Variants in TEX11 observed in about 807,000 individuals in gnomAD.
The protein encoded by TEX11 is testis expressed 11, also known as testis-expressed protein 11.
Under a neutral mutation model 84.4 loss-of-function variants are expected in TEX11, and 7 were observed. That is an observed-to-expected ratio of 0.08 (90% confidence interval 0.05 to 0.16). The LOEUF is 0.16. Ranked by LOEUF, TEX11 falls within the 10% of genes least tolerant of loss-of-function variation. The pLI, the probability that TEX11 is intolerant of heterozygous loss-of-function variation, is 1.00. For synonymous variants in TEX11, 264 were observed against 222.8 expected (o/e 1.18, Z -1.64); for missense variants, 551 against 660.5 (o/e 0.83, Z 1.82).
chrX:70,794,204 T>C (rs954065004), intron 9 of TEX11, among the ~76,000 whole-genome samples: 2 of 111,027 alleles, frequency 1.8e-5, no homozygotes, highest in Admixed American at 1.9e-4. Flanking sequence ...GGATAGAGAG[T>C]GCAATGATTG....
chrX:70,710,610 C>A (rs756748745), intron 13 of TEX11, among the ~76,000 whole-genome samples: 1 of 107,419 alleles, frequency 9.3e-6, no homozygotes, highest in African/African-American at 3.4e-5. Context: ...AGCCACAGAC[C>A]AACAGCATTG....
intron 25 of TEX11, among the ~76,000 whole-genome samples, chrX:70,573,785 C>T (rs1350502997): frequency 9.0e-6 from 1 of 111,642 alleles, no homozygotes; most frequent in Non-Finnish European, 1.9e-5. Context: ...TTAGAATGAC[C>T]TTTCCAGTTA....
chrX:70,868,928 G>A (rs963836790), intron 4 of TEX11, among the ~76,000 whole-genome samples: 23 of 108,647 alleles, frequency 2.1e-4, no homozygotes, highest in African/African-American at 1.4e-4. Context: ...TAATGCATGC[G>A]GGGCTTAAAA....
At chrX:70,873,540 A>G (rs982140737) in intron 3 of TEX11, among the ~76,000 whole-genome samples, 1 of 111,606 alleles carries the variant, frequency 9.0e-6, no homozygotes, top group Non-Finnish European at 1.9e-5. Context: ...CATACTATTG[A>G]TATACCTTCA....
chrX:70,762,404 A>G lies in TEX11; in HGVS notation c.693-18185T>C, dbSNP rs749557034. Among the ~76,000 whole-genome samples the G allele has an allele frequency of 5.4e-5, 6 of 111,790 alleles. No individual in the cohort carries two copies. In the South Asian group the frequency reaches 1.9e-3, roughly 35 times the overall value. ...AGATATAAACAGGAAAAAAACGTTT[A>G]AAAGCAGGGGGTCGAAGCTCCTAAA... is the stretch of plus-strand genomic sequence containing the variant. On this transcript the variant is annotated intron_variant, in intron 9 of 29. Coordinates refer to ENST00000374333, the MANE Select transcript of TEX11 (RefSeq NM_031276.3).
At chrX:70,765,127 T>C (rs1020201942) in intron 9 of TEX11, among the ~76,000 whole-genome samples, 1 of 111,780 alleles carries the variant, frequency 8.9e-6, no homozygotes, top group Admixed American at 9.5e-5. Context: ...GGCTCACACC[T>C]GTAATCCCAG....
chrX:70,869,960 A>G (rs2091621360), intron 4 of TEX11, among the ~76,000 whole-genome samples: 1 of 111,536 alleles, frequency 9.0e-6, no homozygotes, highest in East Asian at 2.8e-4. Context: ...CCATATAAAG[A>G]TGTTTTCTTT....
In TEX11 at chrX:70,557,059, A is replaced by C. The variant is rs747855137; in HGVS notation, c.2141-2259T>G. 3.6e-5 allele frequency among the ~76,000 whole-genome samples: 4 copies of C among 109,918 alleles called. No individual in the cohort carries two copies. In the South Asian group the frequency reaches 1.2e-3, roughly 33 times the overall value. ...GTGATACTCCAGTCTTGGCCTCCCA[A>C]AGTGAGCCACCATACCTGGCCAATT... On this transcript the variant is annotated intron_variant, in intron 25 of 29. Coordinates refer to ENST00000374333, the MANE Select transcript of TEX11 (RefSeq NM_031276.3).
intron 13 of TEX11, among the ~76,000 whole-genome samples, chrX:70,719,953 A>T (rs190116865): frequency 7.0e-4 from 78 of 111,691 alleles, no homozygotes; most frequent in Non-Finnish European, 9.4e-4. Context: ...ATTGTGGAAG[A>T]CAGTGTGGCA....
At chrX:70,833,466 T>G in intron 8 of TEX11, 47 bp downstream of exon 8, 7 of 1,047,999 alleles carry the variant, frequency 6.7e-6, no homozygotes, top group African/African-American at 1.8e-5. Context: ...TCCTGGAACT[T>G]GATATAGCAT....
At chrX:70,856,253 G>GA (rs886751108) in intron 5 of TEX11, among the ~76,000 whole-genome samples, 5 of 111,065 alleles carry the variant, frequency 4.5e-5, no homozygotes, top group Non-Finnish European at 9.4e-5. Context: ...AAACGAGGGG[G>GA]AAAAAATCAG....
At chrX:70,842,157 A>AG (rs1299153941) in intron 7 of TEX11, among the ~76,000 whole-genome samples, 1 of 111,213 alleles carries the variant, frequency 9.0e-6, no homozygotes, top group African/African-American at 3.3e-5. Flanking sequence ...CTGATACCAA[A>AG]GCCTGGCAGA....
At chrX:70,850,115 T>C (rs756299543) in intron 7 of TEX11, among the ~76,000 whole-genome samples, 1 of 112,214 alleles carries the variant, frequency 8.9e-6, no homozygotes, top group African/African-American at 3.2e-5. Flanking sequence ...TGTCTTCCTA[T>C]AATTTCTACC....
chrX:70,568,978 C>T (rs1459627685), intron 25 of TEX11, among the ~76,000 whole-genome samples: 19 of 111,858 alleles, frequency 1.7e-4, no homozygotes, highest in African/African-American at 5.5e-4. Context: ...GGAAGTTCTC[C>T]TGGATAATAT....
At chrX:70,832,796 C>G (rs943101645) in intron 8 of TEX11, among the ~76,000 whole-genome samples, 3 of 111,876 alleles carry the variant, frequency 2.7e-5, no homozygotes, top group African/African-American at 9.7e-5. Context: ...CCTATCAAAT[C>G]TCTCACATCT....
chrX:70,880,212 C>A, intron 2 of TEX11, 103 bp from the exon 3 acceptor site: 1 of 538,829 alleles, frequency 1.9e-6, no homozygotes, highest in Non-Finnish European at 2.7e-6. Flanking sequence ...CAAATGAATA[C>A]AGCATGAAGG....
At chrX:70,584,222 G>C (rs2072667674) in intron 25 of TEX11, among the ~76,000 whole-genome samples, 1 of 107,290 alleles carries the variant, frequency 9.3e-6, no homozygotes. Context: ...AGCGGAACTT[G>C]CAGTGAGCCG....
At position 70,722,631 on chromosome X, in the gene TEX11, T is replaced by A; in HGVS notation, c.991A>T (p.Met331Leu). The part of the protein sequence containing the change: ...DFCLNIAKLL[M>L]DHERESVGFH... The stretch of plus-strand genomic sequence containing the variant: ...TCAATTCTGTACCTTTCATGATCCA[T>A]CAGCAGTTTAGCAATGTTCAGACAG... The change falls in exon 13 of 30, where the codon ATG becomes TTG. Residue 331 changes from methionine to leucine, a missense_variant. Met to Leu is a conservative substitution (Grantham distance 15). Transcript: ENST00000374333. 8.3e-7 allele frequency: 1 copy of A among 1,205,516 alleles called. No individual in the cohort carries two copies. Among genetic ancestry groups the A allele is most frequent in the Non-Finnish European group, 1.1e-6 (1 of 890,564 alleles).
chrX:70,743,065 C>G (rs980783099), intron 10 of TEX11, among the ~76,000 whole-genome samples: 1 of 111,927 alleles, frequency 8.9e-6, no homozygotes, highest in Admixed American at 9.5e-5. Flanking sequence ...TCCCTACCCC[C>G]TAAAACCACC....
Sources: gnomAD v4.1 joint callset for allele counts (sites outside exome capture counted in the v4.1 genomes callset) on GRCh38, gnomAD v4.1.1 for gene constraint, MANE v1.5 for transcripts, NCBI Gene and HGNC (gene_info 2026-07-23, HGNC 2026-07-21) for gene names.